SHE: variants seen among roughly 807,000 people sequenced by gnomAD.
SHE encodes SH2 domain-containing adapter protein E.
SHE carries 11 observed loss-of-function variants against 49.8 expected under a neutral mutation model. The ratio of observed to expected loss-of-function variants is 0.22; its 90% CI spans 0.14 to 0.37. The LOEUF (loss-of-function observed/expected upper bound fraction) is 0.37, where lower values mean the gene tolerates loss of function less well. Among genes scored for constraint, SHE ranks in the 10% least tolerant of loss-of-function variants. SHE has a pLI of 1.00. For synonymous variants in SHE, 310 were observed against 278.1 expected, an observed-to-expected ratio of 1.11 and a Z score of -1.14; for missense variants, 624 against 655.5, an observed-to-expected ratio of 0.95 and a Z score of 0.52.
Position 154,501,745 on chromosome 1 carries a change from G to A in SHE, c.282C>T (p.Ala94=), listed in dbSNP as rs750760649. ...NSAAELGSGR[A]GVGPKDSRLS... is the part of the protein sequence containing the mutation. ...GCCGGCTGTCCTTGGGGCCGACGCC[G>A]GCCCTGCCGCTCCCCAGCTCGGCCG... Residue 94 remains alanine, a synonymous_variant, in exon 1 of 6, where the codon GCC becomes GCT. Coordinates refer to ENST00000304760, the MANE Select transcript of SHE (RefSeq NM_001010846.3). 2 of 1,570,858 alleles carry A rather than the reference G, an allele frequency of 1.3e-6. No homozygotes were observed. Among genetic ancestry groups the A allele is most frequent in the Admixed American group, 1.8e-5 (1 of 54,646 alleles).
Position 154,481,004 on chromosome 1 carries a change from C to T in SHE, c.*3145G>A. 1.0e-6 allele frequency: 1 copy of T among 985,426 alleles called. No individual in the cohort carries two copies. The highest frequency in any genetic ancestry group is 1.2e-6 in the Non-Finnish European group (1 of 829,930). 61.0% of individuals were successfully genotyped at this position (985,426 alleles called of 1,614,324 possible). ...CAAATTCACTGAAAGACATTCTTCT[C>T]ACCAGAGAATATCCTGGGAGATGGA... On this transcript the variant is annotated 3_prime_UTR_variant, in exon 6 of 6. Transcript: ENST00000304760.
chr1:154,501,123 T>C (rs1044568531), intron 1 of SHE, among the ~76,000 whole-genome samples: 1 of 152,184 alleles, frequency 6.6e-6, no homozygotes, highest in African/African-American at 2.4e-5. Context: ...AAAATTAAAA[T>C]GAACCACATC....
Position 154,501,042 on chromosome 1 carries a change from G to A in SHE, c.591+394C>T, listed in dbSNP as rs564659575. On this transcript the variant is annotated intron_variant, in intron 1 of 5. Transcript: ENST00000304760. ...AAATGCATATCTACACACTTGAGAGGTTACCATTCCTTATGCTCAAGAAGC... is the reference window on the plus strand; with the variant it reads ...AAATGCATATCTACACACTTGAGAGATTACCATTCCTTATGCTCAAGAAGC... Among the ~76,000 whole-genome samples the A allele has an allele frequency of 3.3e-5, 5 of 152,250 alleles. No individual in the cohort carries two copies. The East Asian group carries it at 5.8e-4, about 18-fold the overall frequency.
Position 154,502,178 on chromosome 1 carries a change from C to T in SHE, c.-152G>A. ...GCGCTAGCCTCTGCTCCGGACACGGCAGGCGACAGGCACGACGCGCGGGGG... is the reference window on the plus strand; with the variant it reads ...GCGCTAGCCTCTGCTCCGGACACGGTAGGCGACAGGCACGACGCGCGGGGG... On this transcript the variant is annotated 5_prime_UTR_variant, in exon 1 of 6. Transcript: ENST00000304760. 2.0e-6 allele frequency: 1 copy of T among 497,988 alleles called. No individual in the cohort carries two copies. The highest frequency in any genetic ancestry group is 2.9e-6 in the Non-Finnish European group (1 of 345,492). 30.8% of individuals were successfully genotyped at this position (497,988 alleles called of 1,614,324 possible). A position where few individuals can be genotyped will look rare whatever the true frequency, so the allele number is the denominator to read the frequency against.
intron 5 of SHE, 57 bp from the exon 6 acceptor site, chr1:154,484,392 T>A: frequency 6.9e-7 from 1 of 1,457,392 alleles, no homozygotes; most frequent in Non-Finnish European, 9.5e-7. Context: ...CCCTCCCCAC[T>A]GAAAACAATT....
intron 1 of SHE, among the ~76,000 whole-genome samples, chr1:154,499,662 G>A (rs1692648300): frequency 6.6e-6 from 1 of 152,102 alleles, no homozygotes. Context: ...TAATGAGTCA[G>A]TCAGTCATCC....
At chr1:154,495,787 G>A (rs935344030) in intron 2 of SHE, among the ~76,000 whole-genome samples, 1 of 151,834 alleles carries the variant, frequency 6.6e-6, no homozygotes, top group African/African-American at 2.4e-5. Context: ...CAACATATGG[G>A]CAGTATTCTA....
At chr1:154,470,822 A>G (rs1198825584) in intron 1 of SHE, among the ~76,000 whole-genome samples, 1 of 152,164 alleles carries the variant, frequency 6.6e-6, no homozygotes, top group East Asian at 1.9e-4. Flanking sequence ...CCTGGGCAAC[A>G]GAGCCAGACT....
chr1:154,472,126 GTC>G (rs1301410994), intron 1 of SHE, among the ~76,000 whole-genome samples: 3 of 28,362 alleles, frequency 1.1e-4, no homozygotes, highest in Non-Finnish European at 9.5e-4. Flanking sequence ...TGAGCACTCT[GTC>G]TCAAAAAAAA....
At chr1:154,488,580 T>C (rs1232875211) in intron 3 of SHE, among the ~76,000 whole-genome samples, 1 of 151,742 alleles carries the variant, frequency 6.6e-6, no homozygotes, top group Non-Finnish European at 1.5e-5. Context: ...TATTTATTTA[T>C]GTATTTAGTT....
intron 3 of SHE, among the ~76,000 whole-genome samples, chr1:154,487,465 T>C (rs1692214827): frequency 6.6e-6 from 1 of 151,316 alleles, no homozygotes; most frequent in Admixed American, 6.6e-5. Context: ...TAATACGAGA[T>C]GCCATGACAC....
chr1:154,500,162 T>TAAAA (rs1692661200), intron 1 of SHE, among the ~76,000 whole-genome samples: 1 of 152,104 alleles, frequency 6.6e-6, no homozygotes. Context: ...GTGACAACCA[T>TAAAA]AAAAATAACC....
At chr1:154,486,179 C>T (rs1184454591) in intron 4 of SHE, 117 bp from the exon 5 acceptor site, 7 of 1,366,356 alleles carry the variant, frequency 5.1e-6, no homozygotes, top group Non-Finnish European at 5.0e-6. Context: ...ACGCAACAGC[C>T]TGAACTAGAT....
At chr1:154,479,405 AG>A, downstream of SHE, 1 of 687,070 alleles carries the variant, frequency 1.5e-6, no homozygotes, top group Non-Finnish European at 1.8e-6. Context: ...ACTCTGCTGT[AG>A]CTCTTACCAT....
At position 154,489,374 on chromosome 1, in the gene SHE, T is replaced by C. The variant is rs1281245925; in HGVS notation, c.719-18A>G. 15 of 1,607,722 alleles carry C rather than the reference T, an allele frequency of 9.3e-6. No individual in the cohort carries two copies. Among genetic ancestry groups the C allele is most frequent in the African/African-American group, 1.3e-5 (1 of 74,498 alleles). On this transcript the variant is annotated intron_variant, in intron 2 of 5. Coordinates refer to ENST00000304760, the MANE Select transcript of SHE (RefSeq NM_001010846.3). Reference sequence around the variant, plus strand: ...TCTAATTTCTGAAAAACACACACCATTTCTGAAAAACACACACCATACACA... The same window carrying C: ...TCTAATTTCTGAAAAACACACACCACTTCTGAAAAACACACACCATACACA...
Position 154,502,167 on chromosome 1 carries a change from T to C in SHE, c.-141A>G, listed in dbSNP as rs901329218. 3 of 594,312 alleles carry C rather than the reference T, an allele frequency of 5.0e-6. No individual in the cohort carries two copies. Among genetic ancestry groups the C allele is most frequent in the Non-Finnish European group, 7.0e-6 (3 of 430,804 alleles). 36.8% of individuals were successfully genotyped at this position (594,312 alleles called of 1,614,324 possible). A position where few individuals can be genotyped will look rare whatever the true frequency, so the allele number is the denominator to read the frequency against. On this transcript the variant is annotated 5_prime_UTR_variant, in exon 1 of 6. Coordinates refer to ENST00000304760, the MANE Select transcript of SHE (RefSeq NM_001010846.3). ...CGAGCGGGCGGGCGCTAGCCTCTGC[T>C]CCGGACACGGCAGGCGACAGGCACG...
intron 2 of SHE, among the ~76,000 whole-genome samples, chr1:154,494,028 A>G (rs776886811): frequency 3.3e-5 from 5 of 152,200 alleles, no homozygotes; most frequent in Admixed American, 6.5e-5. Flanking sequence ...GTTAATTCCA[A>G]TTTCCAAATA....
At chr1:154,496,570 T>C (rs1448353813) in intron 2 of SHE, among the ~76,000 whole-genome samples, 2 of 152,134 alleles carry the variant, frequency 1.3e-5, no homozygotes, top group East Asian at 1.9e-4. Flanking sequence ...CGCCATGTGG[T>C]GTCAGGGGCA....
At chr1:154,486,704 A>G in intron 3 of SHE, 21 bp from the exon 4 acceptor site, 1 of 1,613,440 alleles carries the variant, frequency 6.2e-7, no homozygotes, top group African/African-American at 1.3e-5. Context: ...GACTCCATTT[A>G]ACATCACAGG....
Sources: gnomAD v4.1 joint callset for allele counts (sites outside exome capture counted in the v4.1 genomes callset) on GRCh38, gnomAD v4.1.1 for gene constraint, MANE v1.5 for transcripts, NCBI Gene and HGNC (gene_info 2026-07-23, HGNC 2026-07-21) for gene names.